Variants in CPSF2 observed in about 807,000 individuals in gnomAD.
CPSF2 encodes the protein cleavage and polyadenylation specificity factor subunit 2.
CPSF2 carries 51 observed loss-of-function variants against 84.2 expected under a neutral mutation model. That is an observed-to-expected ratio of 0.61 (90% CI 0.48 to 0.77). The LOEUF (loss-of-function observed/expected upper bound fraction) is 0.77. Ranked by LOEUF, CPSF2 falls within the 30% of genes least tolerant of loss-of-function variation. The pLI, the probability that CPSF2 is intolerant of heterozygous loss-of-function variation, is 0.00. For missense variants in CPSF2, 641 were observed against 929.4 expected, an observed-to-expected ratio of 0.69 and a Z score of 4.03; for synonymous variants, 286 against 311.9, an observed-to-expected ratio of 0.92 and a Z score of 0.87.
chr14:92,131,138 G>A lies in CPSF2; in HGVS notation c.149+5G>A. 1.9e-6 allele frequency: 3 copies of A among 1,592,644 alleles called. No homozygotes were observed. Among genetic ancestry groups the A allele is most frequent in the Non-Finnish European group, 2.6e-6 (3 of 1,169,668 alleles). On this transcript the variant is annotated splice_donor_5th_base_variant and intron_variant, in intron 3 of 15. Transcript: ENST00000298875. ...TATTATTGATTCCCTGAGGAAGTAA[G>A]TTACATTTCATAATTCTATGTTTTT... is the stretch of plus-strand genomic sequence containing the variant.
intron 5 of CPSF2, among the ~76,000 whole-genome samples, chr14:92,135,153 A>G (rs999506195): frequency 1.3e-5 from 2 of 152,238 alleles, no homozygotes; most frequent in African/African-American, 4.8e-5. Flanking sequence ...ACAAGATTAC[A>G]TAATATAGTA....
intron 13 of CPSF2, 86 bp from the exon 14 acceptor site, chr14:92,158,897 A>G: frequency 8.2e-7 from 1 of 1,225,046 alleles, no homozygotes; most frequent in South Asian, 1.6e-5. Context: ...ATATTACCAG[A>G]GGTAGAAAAT....
intron 11 of CPSF2, among the ~76,000 whole-genome samples, chr14:92,155,878 G>A (rs1338360019): frequency 6.6e-6 from 1 of 152,108 alleles, no homozygotes; most frequent in Non-Finnish European, 1.5e-5. Flanking sequence ...GATAGCATGA[G>A]TGAAATCATG....
At chr14:92,144,932 T>C (rs528122444) in intron 9 of CPSF2, among the ~76,000 whole-genome samples, 1 of 152,264 alleles carries the variant, frequency 6.6e-6, no homozygotes, top group Admixed American at 6.5e-5. Context: ...TTTCCACCAC[T>C]AAATGTACTA....
At chr14:92,153,088 A>G in intron 9 of CPSF2, among the ~76,000 whole-genome samples, 1 of 100,964 alleles carries the variant, frequency 9.9e-6, no homozygotes, top group East Asian at 7.9e-4. Flanking sequence ...ATGTTAGCAA[A>G]TTGCCTTTTA....
At chr14:92,122,950 T>A (rs2068795893) in intron 1 of CPSF2, among the ~76,000 whole-genome samples, 1 of 151,566 alleles carries the variant, frequency 6.6e-6, no homozygotes, top group South Asian at 2.1e-4. Context: ...TGGCCTGTGC[T>A]GGGATTCCAG....
intron 6 of CPSF2, among the ~76,000 whole-genome samples, chr14:92,136,031 A>T (rs1595054405): frequency 6.6e-6 from 1 of 152,226 alleles, no homozygotes; most frequent in African/African-American, 2.4e-5. Flanking sequence ...TGCCTTGCAC[A>T]TAATGTAATT....
chr14:92,131,169 A>G (rs2068922906), intron 3 of CPSF2, 36 bp downstream of exon 3: 6 of 1,523,914 alleles, frequency 3.9e-6, no homozygotes, highest in East Asian at 2.3e-5. Flanking sequence ...TTTTTATTAA[A>G]TCAACTTCTC....
Position 92,168,115 on chromosome 14 carries a change from A to C in CPSF2, c.*6371A>C, listed in dbSNP as rs982877079. The C allele has an allele frequency of 1.3e-5, 2 of 151,690 alleles. No individual in the cohort carries two copies. Among genetic ancestry groups the C allele is most frequent in the African/African-American group, 2.4e-5 (1 of 41,270 alleles). The allele number at this position is 151,690 out of a possible 1,614,324, so 9.4% of individuals were successfully genotyped here. ...TACGAAAAATTAGTCAGGTGTGGTG[A>C]CGGGTGCCTATAATCCCAGCTACTT... On this transcript the variant is annotated 3_prime_UTR_variant, in exon 16 of 16. Coordinates refer to ENST00000298875, the MANE Select transcript of CPSF2 (RefSeq NM_017437.3).
chr14:92,151,051 A>G (rs374415803), intron 9 of CPSF2, among the ~76,000 whole-genome samples: 1 of 152,232 alleles, frequency 6.6e-6, no homozygotes, highest in African/African-American at 2.4e-5. Context: ...CAAATAACCA[A>G]TTAATTATGT....
chr14:92,147,130 T>G (rs2069154095), intron 9 of CPSF2, among the ~76,000 whole-genome samples: 1 of 152,164 alleles, frequency 6.6e-6, no homozygotes, highest in South Asian at 2.1e-4. Flanking sequence ...AGGCCCTTGT[T>G]TTTTGGTATC....
chr14:92,122,008 G>T lies in CPSF2; in HGVS notation c.-214G>T. The T allele has an allele frequency of 3.2e-6, 2 of 633,870 alleles. No homozygotes were observed. Among genetic ancestry groups the T allele is most frequent in the East Asian group, 2.8e-5 (1 of 35,926 alleles). The allele number at this position is 633,870 out of a possible 1,614,324, so 39.3% of individuals were successfully genotyped here. ...CCAAAATGGCGGCTGCCACTGTGGGGCTTCTGCCGGCCGGTAGTCCCTGGC... is the reference window on the plus strand; with the variant it reads ...CCAAAATGGCGGCTGCCACTGTGGGTCTTCTGCCGGCCGGTAGTCCCTGGC... On this transcript the variant is annotated 5_prime_UTR_variant, in exon 1 of 16. Coordinates refer to ENST00000298875, the MANE Select transcript of CPSF2 (RefSeq NM_017437.3).
rs1326474588 is a variant in CPSF2, at chr14:92,147,902, A to AT, written c.1140+4611dup. On this transcript the variant is annotated intron_variant, in intron 9 of 15. Coordinates refer to ENST00000298875, the MANE Select transcript of CPSF2 (RefSeq NM_017437.3). ...CCATGCCCAGCTAATTTAAAAAAAAATTTATAGAGATGGGAACTTGCTGTG... is the reference window on the plus strand; with the variant it reads ...CCATGCCCAGCTAATTTAAAAAAAAATTTTATAGAGATGGGAACTTGCTGTG... 1.8e-4 allele frequency among the ~76,000 whole-genome samples: 28 copies of AT among 151,944 alleles called. No homozygotes were observed. In the East Asian group the frequency reaches 5.2e-3, roughly 28 times the overall value.
At position 92,169,649 on chromosome 14, in the gene CPSF2, A is replaced by ATTTTTTTTTTTTTTTT. The variant is rs3031765; in HGVS notation, c.*7912_*7927dup. 7.9e-6 allele frequency: 1 copy of ATTTTTTTTTTTTTTTT among 126,962 alleles called. No individual in the cohort carries two copies. The allele number at this position is 126,962 out of a possible 1,614,324, so 7.9% of individuals were successfully genotyped here. On this transcript the variant is annotated 3_prime_UTR_variant, in exon 16 of 16. Coordinates refer to ENST00000298875, the MANE Select transcript of CPSF2 (RefSeq NM_017437.3). ...ATTCTTAAGGTTTTTCTTATATGTGATTTTTTTTTTTTTTTTTTTTTTGAG... is the reference window on the plus strand; with the variant it reads ...ATTCTTAAGGTTTTTCTTATATGTGATTTTTTTTTTTTTTTTTTTTTTTTTTTTTTTTTTTTTTGAG...
rs1230129493 is a variant in CPSF2 at position 92,161,181 on chromosome 14, G to A, written c.2191G>A (p.Glu731Lys). Reference sequence around the variant, plus strand: ...AGACTTCAAGCAAGTTCTCTTACGGGAGGGGATTCAAGCTGAATTTGTAGG... The same window carrying A: ...AGACTTCAAGCAAGTTCTCTTACGGAAGGGGATTCAAGCTGAATTTGTAGG... The part of the protein sequence containing the change: ...LSDFKQVLLR[E>K]GIQAEFVGGV... Residue 731 changes from glutamate (E) to lysine (K), a missense_variant, in exon 15 of 16, where the codon GAG (glutamate) becomes AAG (lysine). This residue lies in a region of CPSF2 where 430 missense variants were observed against 553.6 expected (regional missense o/e 0.78). Transcript: ENST00000298875. The A allele has an allele frequency of 6.2e-7, 1 of 1,613,840 alleles. No homozygotes were observed. The highest frequency in any genetic ancestry group is 8.5e-7 in the Non-Finnish European group (1 of 1,179,920).
At chr14:92,153,831 T>C (rs2069252518) in intron 9 of CPSF2, among the ~76,000 whole-genome samples, 1 of 150,320 alleles carries the variant, frequency 6.7e-6, no homozygotes. Context: ...ACCACCTGAG[T>C]AGCGGGGACA....
At chr14:92,124,826 T>G (rs1424931970) in intron 1 of CPSF2, among the ~76,000 whole-genome samples, 1 of 152,202 alleles carries the variant, frequency 6.6e-6, no homozygotes, top group Non-Finnish European at 1.5e-5. Flanking sequence ...TAAATAAAAT[T>G]CATTAAAATT....
rs2069299410 is a variant in CPSF2, at chr14:92,157,025, C to T, written c.1595+394C>T. 6.6e-6 allele frequency among the ~76,000 whole-genome samples: 1 copy of T among 152,076 alleles called. No individual in the cohort carries two copies. The highest frequency in any genetic ancestry group is 1.5e-5 in the Non-Finnish European group (1 of 68,016). On this transcript the variant is annotated intron_variant, in intron 12 of 15. Coordinates refer to ENST00000298875, the MANE Select transcript of CPSF2 (RefSeq NM_017437.3). The surrounding 1 kb of genome is among the most constrained non-coding windows in gnomAD (Gnocchi z 4.0). Reference sequence around the variant, plus strand: ...TCCTTAACTTAAACATCTCTAAGACCCTAATGTCTGGAAAATACTGTTGTG... The same window carrying T: ...TCCTTAACTTAAACATCTCTAAGACTCTAATGTCTGGAAAATACTGTTGTG...
intron 7 of CPSF2, 21 bp downstream of exon 7, chr14:92,138,368 T>C: frequency 9.6e-7 from 1 of 1,037,030 alleles, no homozygotes; most frequent in Non-Finnish European, 1.4e-6. Flanking sequence ...TTTCACGTCC[T>C]TATTATTATT....
Sources: gnomAD v4.1 joint callset for allele counts (sites outside exome capture counted in the v4.1 genomes callset) on GRCh38, gnomAD v4.1.1 for gene constraint, gnomAD v4.1.1 regional missense constraint, Gnocchi (gnomAD v3.1) non-coding constraint, MANE v1.5 for transcripts, NCBI Gene and HGNC (gene_info 2026-07-23, HGNC 2026-07-21) for gene names.